Variants in DDX19B observed in about 807,000 individuals in gnomAD.
DDX19B encodes ATP-dependent RNA helicase DDX19B.
Under a neutral mutation model 58.1 loss-of-function variants are expected in DDX19B, and 27 were observed. The observed-to-expected ratio is 0.46, with a 90% CI of 0.34 to 0.64. DDX19B has a LOEUF of 0.64. Ranked by LOEUF, DDX19B falls within the 30% of genes least tolerant of loss-of-function variation. The pLI, the probability that DDX19B is intolerant of heterozygous loss-of-function variation, is 0.01. For missense variants in DDX19B, 399 were observed against 596.5 expected, an observed-to-expected ratio of 0.67 and a Z score of 3.45; for synonymous variants, 187 against 214.4, an observed-to-expected ratio of 0.87 and a Z score of 1.12.
upstream of DDX19B, among the ~76,000 whole-genome samples, chr16:70,294,238 C>A (rs542744455): frequency 6.6e-6 from 1 of 151,604 alleles, no homozygotes; most frequent in Non-Finnish European, 1.5e-5. Context: ...CCCGCTACCA[C>A]GCCCAGCTAA....
chr16:70,299,017 C>T, upstream of DDX19B: 4 of 658,672 alleles, frequency 6.1e-6, no homozygotes, highest in Non-Finnish European at 8.7e-6. Context: ...CCAAGTTAAC[C>T]AGAGCTTAGG....
In DDX19B at chr16:70,329,492, A is replaced by G. The variant is rs752744222; in HGVS notation, c.785+23A>G. 6 of 1,610,998 alleles carry G rather than the reference A, an allele frequency of 3.7e-6. No homozygotes were observed. In the East Asian group the frequency reaches 1.1e-4, roughly 30 times the overall value. ...GAGGTAGGGATCTCGAGGGTGGGGG[A>G]CTCCTCAGATTCCCCATCTGCAGTG... On this transcript the variant is annotated intron_variant, in intron 8 of 11. Transcript: ENST00000288071.
rs1963392649 is a variant in DDX19B, at chr16:70,329,979, G to A, written c.934G>A (p.Val312Ile). 1 of 1,614,106 alleles carries A rather than the reference G, an allele frequency of 6.2e-7. No individual in the cohort carries two copies. The highest frequency in any genetic ancestry group is 1.7e-5 in the Admixed American group (1 of 59,994). Residue 312 changes from valine to isoleucine, a missense_variant, in exon 9 of 12, where the codon GTC (valine) becomes ATC (isoleucine). Val to Ile is a conservative substitution (Grantham distance 29). This residue lies in a region of DDX19B where 198 missense variants were observed against 345.9 expected (regional missense o/e 0.57). Transcript: ENST00000288071. ...CCTGGACACCATCAAGCAGTACTAT[G>A]TCCTGTGCAGCAGCAGAGACGAGAA... ...ETLDTIKQYY[V>I]LCSSRDEKFQ...
chr16:70,335,153 A>G lies in DDX19B; in HGVS notation c.*1571A>G, dbSNP rs1452937884. Reference sequence around the variant, plus strand: ...GGTACTCGACTATGTAGTTTTCTCTATGCTTCTGGTCAACTCTGACACATC... The same window carrying G: ...GGTACTCGACTATGTAGTTTTCTCTGTGCTTCTGGTCAACTCTGACACATC... On this transcript the variant is annotated 3_prime_UTR_variant, in exon 12 of 12. Transcript: ENST00000288071. 6.6e-6 allele frequency: 1 copy of G among 152,230 alleles called. No homozygotes were observed. Among genetic ancestry groups the G allele is most frequent in the East Asian group, 1.9e-4 (1 of 5,204 alleles). The allele number at this position is 152,230 out of a possible 1,614,324, so 9.4% of individuals were successfully genotyped here.
At chr16:70,326,337 C>T (rs772196835) in intron 7 of DDX19B, among the ~76,000 whole-genome samples, 5 of 152,002 alleles carry the variant, frequency 3.3e-5, no homozygotes, top group Non-Finnish European at 5.9e-5. Context: ...ATTAGCCAGG[C>T]GTGGTGGCGG....
At chr16:70,305,246 G>A (rs1186413900) in intron 1 of DDX19B, among the ~76,000 whole-genome samples, 1 of 152,194 alleles carries the variant, frequency 6.6e-6, no homozygotes, top group Non-Finnish European at 1.5e-5. Flanking sequence ...CCTAGATGGT[G>A]GAGGTCTGAC....
chr16:70,324,733 G>C, intron 6 of DDX19B, 46 bp downstream of exon 6: 1 of 1,554,404 alleles, frequency 6.4e-7, no homozygotes, highest in South Asian at 1.1e-5. Flanking sequence ...ATAGATAGAA[G>C]GGGATTTCCA....
At chr16:70,297,159 C>A (rs769214248), upstream of DDX19B, among the ~76,000 whole-genome samples, 1 of 152,082 alleles carries the variant, frequency 6.6e-6, no homozygotes, top group Non-Finnish European at 1.5e-5. Context: ...CGTGATCCAC[C>A]TGCTTTGGCC....
At chr16:70,328,738 CTTATT>C (rs1963311631) in intron 7 of DDX19B, among the ~76,000 whole-genome samples, 1 of 151,968 alleles carries the variant, frequency 6.6e-6, no homozygotes, top group Non-Finnish European at 1.5e-5. Flanking sequence ...CTAGATCTTA[CTTATT>C]TTAATTGTAT....
At chr16:70,324,362 C>CAAAAAAAA (rs57977602) in intron 5 of DDX19B, among the ~76,000 whole-genome samples, 2 of 48,866 alleles carry the variant, frequency 4.1e-5, no homozygotes, top group African/African-American at 7.6e-5. Context: ...GACCTAATCT[C>CAAAAAAAA]AAAAAAAAAA....
At chr16:70,318,170 C>T (rs1435575492) in intron 5 of DDX19B, among the ~76,000 whole-genome samples, 5 of 150,084 alleles carry the variant, frequency 3.3e-5, no homozygotes, top group African/African-American at 4.9e-5. Flanking sequence ...GTCAAGTGTT[C>T]GAGACCAGCC....
chr16:70,291,443 A>G (rs1597455492), upstream of DDX19B, among the ~76,000 whole-genome samples: 1 of 152,216 alleles, frequency 6.6e-6, no homozygotes, highest in African/African-American at 2.4e-5. Context: ...TGTAATCTCA[A>G]TAATTTAGTT....
At chr16:70,313,175 C>A (rs769280648) in intron 2 of DDX19B, among the ~76,000 whole-genome samples, 1 of 152,102 alleles carries the variant, frequency 6.6e-6, no homozygotes, top group Non-Finnish European at 1.5e-5. Flanking sequence ...CCTGCCACCA[C>A]GCCTGGCTAA....
At chr16:70,315,086 C>A in intron 3 of DDX19B, 131 bp downstream of exon 3, 1 of 943,930 alleles carries the variant, frequency 1.1e-6, no homozygotes. Flanking sequence ...CATAAAGGTT[C>A]AATATAGGGG....
At chr16:70,329,758 C>T in intron 8 of DDX19B, 73 bp from the exon 9 acceptor site, 1 of 1,592,310 alleles carries the variant, frequency 6.3e-7, no homozygotes, top group Middle Eastern at 1.7e-4. Flanking sequence ...CTAGACCCTC[C>T]CAGCTGGGAA....
upstream of DDX19B, among the ~76,000 whole-genome samples, chr16:70,296,071 C>T (rs1961208088): frequency 6.7e-6 from 1 of 148,184 alleles, no homozygotes; most frequent in African/African-American, 2.5e-5. Context: ...GTGGCATGAT[C>T]TCAGCTCACT....
chr16:70,290,139 A>G (rs1206736944), upstream of DDX19B: 2 of 176,742 alleles, frequency 1.1e-5, no homozygotes, highest in Admixed American at 1.1e-4. Flanking sequence ...GCGGTGGCTC[A>G]CGCCTATAAT....
chr16:70,306,645 G>A (rs577487369), intron 1 of DDX19B, among the ~76,000 whole-genome samples: 1 of 152,132 alleles, frequency 6.6e-6, no homozygotes, highest in Non-Finnish European at 1.5e-5. Flanking sequence ...AACTCTTGCT[G>A]TTTTTAGCAG....
chr16:70,301,694 C>CTT (rs1294712792), intron 1 of DDX19B, among the ~76,000 whole-genome samples: 4 of 148,548 alleles, frequency 2.7e-5, no homozygotes, highest in African/African-American at 1.0e-4. Flanking sequence ...TTCTCTCTCT[C>CTT]TCTTTTTTTT....
Sources: allele counts gnomAD v4.1 joint callset (sites outside exome capture counted in the v4.1 genomes callset), GRCh38; gene constraint gnomAD v4.1.1; regional missense constraint gnomAD v4.1.1; transcripts MANE v1.5; gene names NCBI Gene and HGNC (gene_info 2026-07-23, HGNC 2026-07-21).